Variants in RSU1 observed in about 807,000 individuals in gnomAD.
The protein encoded by RSU1 is rsu-1.
In RSU1, 26 loss-of-function variants were observed where a neutral mutation model predicts 31.1. The ratio of observed to expected loss-of-function variants is 0.84; its 90% CI spans 0.61 to 1.16. The LOEUF (loss-of-function observed/expected upper bound fraction) is 1.16. Among genes scored for constraint, RSU1 ranks in the 50% most tolerant of loss-of-function variants. The pLI is 0.00. For synonymous variants in RSU1, 164 were observed against 136.3 expected (o/e 1.20, Z -1.41); for missense variants, 320 against 339.1 (o/e 0.94, Z 0.44).
At chr10:16,795,553 G>A (rs1320129161) in intron 2 of RSU1, among the ~76,000 whole-genome samples, 2 of 152,046 alleles carry the variant, frequency 1.3e-5, no homozygotes, top group African/African-American at 4.8e-5. Flanking sequence ...GACACAAGAG[G>A]TTATGTAACT....
chr10:16,786,058 G>T (rs1405600642), intron 2 of RSU1, among the ~76,000 whole-genome samples: 2 of 152,098 alleles, frequency 1.3e-5, no homozygotes, highest in Non-Finnish European at 2.9e-5. Context: ...TTTCGTTGGT[G>T]ACTGGCATTC....
intron 7 of RSU1, among the ~76,000 whole-genome samples, chr10:16,732,297 CTGAG>C (rs1385233533): frequency 1.3e-5 from 2 of 152,198 alleles, no homozygotes; most frequent in African/African-American, 4.8e-5. Flanking sequence ...TTCCTGTGGA[CTGAG>C]TATTTATGAC....
chr10:16,628,650 A>G (rs1306613130), intron 8 of RSU1, among the ~76,000 whole-genome samples: 2 of 152,242 alleles, frequency 1.3e-5, no homozygotes, highest in South Asian at 4.1e-4. Flanking sequence ...ATTGTTTTAT[A>G]TGACACATAC....
At position 16,601,940 on chromosome 10, in the gene RSU1, C is replaced by A. The variant is rs549333014; in HGVS notation, c.732-8444G>T. On this transcript the variant is annotated intron_variant, in intron 8 of 8. Coordinates refer to ENST00000345264, the MANE Select transcript of RSU1 (RefSeq NM_012425.4). ...GCTCATTATCTCCCTGGCAGGTGAA[C>A]TGGTAATCAGGTTGCCTTGGGCTCA... 9.8e-5 allele frequency among the ~76,000 whole-genome samples: 15 copies of A among 152,320 alleles called. No individual in the cohort carries two copies. The South Asian group carries it at 2.7e-3, about 27-fold the overall frequency.
chr10:16,749,780 C>T (rs1413309384), intron 7 of RSU1, among the ~76,000 whole-genome samples: 1 of 152,222 alleles, frequency 6.6e-6, no homozygotes, highest in East Asian at 1.9e-4. Flanking sequence ...CACATGCCGG[C>T]AAAGCCCACG....
At chr10:16,658,828 T>C (rs1234903085) in intron 8 of RSU1, among the ~76,000 whole-genome samples, 1 of 152,218 alleles carries the variant, frequency 6.6e-6, no homozygotes, top group Non-Finnish European at 1.5e-5. Flanking sequence ...CTAGAGAACT[T>C]AGACTATACA....
At chr10:16,794,262 T>C (rs1837982028) in intron 2 of RSU1, among the ~76,000 whole-genome samples, 3 of 152,174 alleles carry the variant, frequency 2.0e-5, no homozygotes, top group Admixed American at 6.5e-5. Flanking sequence ...AATCTCCATA[T>C]ATATATTGCC....
intron 2 of RSU1, among the ~76,000 whole-genome samples, chr10:16,813,424 T>A (rs541893011): frequency 6.6e-6 from 1 of 152,332 alleles, no homozygotes; most frequent in East Asian, 1.9e-4. Flanking sequence ...CTACTGACTA[T>A]GTTGGAACTG....
Position 16,764,456 on chromosome 10 carries a change from T to C in RSU1, c.215A>G (p.Asn72Ser), listed in dbSNP as rs775520280. 6.2e-7 allele frequency: 1 copy of C among 1,614,074 alleles called. No individual in the cohort carries two copies. The highest frequency in any genetic ancestry group is 8.5e-7 in the Non-Finnish European group (1 of 1,179,994). ...TGTGGGCAGCTCCTCGATTTGGTTATTAAAAAAGTTGAGCACCTCCAAATT... is the reference window on the plus strand; with the variant it reads ...TGTGGGCAGCTCCTCGATTTGGTTACTAAAAAAGTTGAGCACCTCCAAATT... ...LKNLEVLNFF[N>S]NQIEELPTQI... Residue 72 changes from asparagine (N) to serine (S), a missense_variant, in exon 4 of 9, where the codon AAT becomes AGT. Coordinates refer to ENST00000345264, the MANE Select transcript of RSU1 (RefSeq NM_012425.4).
chr10:16,809,293 T>C (rs1366341445), intron 2 of RSU1, among the ~76,000 whole-genome samples: 1 of 152,196 alleles, frequency 6.6e-6, no homozygotes, highest in Non-Finnish European at 1.5e-5. Flanking sequence ...CTGTGAAACA[T>C]GCCAACCTCA....
chr10:16,697,072 C>G lies in RSU1; in HGVS notation c.599-1917G>C, dbSNP rs149564952. Among the ~76,000 whole-genome samples, 49 of 152,132 alleles carry G rather than the reference C, an allele frequency of 3.2e-4. No individual in the cohort carries two copies. The East Asian group carries it at 8.7e-3, about 27-fold the overall frequency. On this transcript the variant is annotated intron_variant, in intron 7 of 8. Coordinates refer to ENST00000345264, the MANE Select transcript of RSU1 (RefSeq NM_012425.4). ...AGAAGCCATCCCTTTAAAAACAAGT[C>G]TATTTCTGATGTGTCGTATTTTATG...
intron 8 of RSU1, among the ~76,000 whole-genome samples, chr10:16,611,894 C>T (rs577924657): frequency 4.3e-4 from 66 of 152,364 alleles, no homozygotes; most frequent in African/African-American, 1.5e-3. Context: ...TAATGTACAG[C>T]AGACTGGTAG....
rs1175769646 is a variant in RSU1, at chr10:16,597,872, G to A, written c.732-4376C>T. Among the ~76,000 whole-genome samples the A allele has an allele frequency of 3.9e-5, 6 of 152,306 alleles. 1 individual carries two copies. In the East Asian group the frequency reaches 5.8e-4, roughly 15 times the overall value. On this transcript the variant is annotated intron_variant, in intron 8 of 8. Transcript: ENST00000345264. ...GCAGGGCTGGATGACGCTGCTGTCC[G>A]CCGCACGATCCTTTAACTCCTCCAG...
At chr10:16,694,385 T>C (rs1188427626) in intron 8 of RSU1, among the ~76,000 whole-genome samples, 1 of 152,208 alleles carries the variant, frequency 6.6e-6, no homozygotes, top group Non-Finnish European at 1.5e-5. Flanking sequence ...TTCAGAACAC[T>C]TGTAATTCTT....
At chr10:16,708,298 G>A (rs1835945512) in intron 7 of RSU1, among the ~76,000 whole-genome samples, 1 of 152,068 alleles carries the variant, frequency 6.6e-6, no homozygotes, top group African/African-American at 2.4e-5. Context: ...AAAACATAAG[G>A]AAGAGTAAAT....
intron 8 of RSU1, among the ~76,000 whole-genome samples, chr10:16,606,817 G>A (rs970583915): frequency 5.3e-5 from 8 of 152,166 alleles, no homozygotes; most frequent in Admixed American, 5.2e-4. Flanking sequence ...AAGGACAAAC[G>A]GTAGAAGCAT....
At chr10:16,625,660 G>A (rs1834144537) in intron 8 of RSU1, among the ~76,000 whole-genome samples, 2 of 152,102 alleles carry the variant, frequency 1.3e-5, no homozygotes, top group Admixed American at 1.3e-4. Context: ...GTCTTTGCCT[G>A]GCCAATAAAT....
chr10:16,745,425 G>C (rs1836831131), intron 7 of RSU1, among the ~76,000 whole-genome samples: 1 of 152,098 alleles, frequency 6.6e-6, no homozygotes, highest in African/African-American at 2.4e-5. Flanking sequence ...CCGAGACTGG[G>C]CAATTTACAA....
chr10:16,700,771 C>T lies in RSU1; in HGVS notation c.599-5616G>A, dbSNP rs187866885. The stretch of plus-strand genomic sequence containing the variant: ...GCAGTAACTAAACATTGTAAACAAC[C>T]GGAAATTTCATTACCAGGTGATAAG... On this transcript the variant is annotated intron_variant, in intron 7 of 8. Transcript: ENST00000345264. Among the ~76,000 whole-genome samples, 49 of 152,178 alleles carry T rather than the reference C, an allele frequency of 3.2e-4. No individual in the cohort carries two copies. In the East Asian group the frequency reaches 7.1e-3, roughly 22 times the overall value.
Sources: gnomAD v4.1 joint callset for allele counts (sites outside exome capture counted in the v4.1 genomes callset) on GRCh38, gnomAD v4.1.1 for gene constraint, MANE v1.5 for transcripts, NCBI Gene and HGNC (gene_info 2026-07-23, HGNC 2026-07-21) for gene names.